SUN1: variants seen among roughly 807,000 people sequenced by gnomAD.
The protein encoded by SUN1 is Sad1 and UNC84 domain containing 1, also known as SUN domain-containing protein 1.
A neutral mutation model predicts 103.2 loss-of-function variants in SUN1; 61 were observed. That is an observed-to-expected ratio of 0.59 (90% CI 0.48 to 0.73). The LOEUF (loss-of-function observed/expected upper bound fraction) is 0.73. Among genes scored for constraint, SUN1 ranks in the 30% least tolerant of loss-of-function variants. SUN1 has a pLI of 0.00. For missense variants in SUN1, 1,052 were observed against 1,034.6 expected, an observed-to-expected ratio of 1.02 and a Z score of -0.23; for synonymous variants, 490 against 425.7, an observed-to-expected ratio of 1.15 and a Z score of -1.86.
At chr7:869,052 C>T in intron 16 of SUN1, 2 of 387,728 alleles carry the variant, frequency 5.2e-6, no homozygotes, top group South Asian at 2.3e-5. Flanking sequence ...GGGCATCTTG[C>T]CACGACCAAG....
intron 1 of SUN1, among the ~76,000 whole-genome samples, chr7:824,188 C>T (rs1406085436): frequency 6.6e-6 from 1 of 152,212 alleles, no homozygotes; most frequent in Admixed American, 6.5e-5. Context: ...CAGAAGAAGA[C>T]AGATCTCCGC....
In SUN1 at chr7:856,173, C is replaced by G. The variant is rs879220479; in HGVS notation, c.1351-185C>G. ...CATGTGATTTGTGCTCCTTTCTGCG[C>G]ACACGTAATGAAGGTTACTTTGAAA... On this transcript the variant is annotated intron_variant, in intron 11 of 18. Coordinates refer to ENST00000401592, the MANE Select transcript of SUN1 (RefSeq NM_001130965.3). 3.3e-5 allele frequency among the ~76,000 whole-genome samples: 5 copies of G among 152,240 alleles called. No individual in the cohort carries two copies. In the South Asian group the frequency reaches 1.0e-3, roughly 31 times the overall value.
At chr7:859,503 G>T (rs935510395) in intron 13 of SUN1, among the ~76,000 whole-genome samples, 3 of 152,202 alleles carry the variant, frequency 2.0e-5, no homozygotes, top group Non-Finnish European at 4.4e-5. Context: ...GTGGGGAGGA[G>T]TGAGGGTAGA....
upstream of SUN1, among the ~76,000 whole-genome samples, chr7:830,291 G>T (rs1005735435): frequency 6.6e-6 from 1 of 152,208 alleles, no homozygotes; most frequent in African/African-American, 2.4e-5. Flanking sequence ...CTTGGCATGA[G>T]CCTGGGCTTC....
chr7:842,905 C>T (rs1402738441), intron 3 of SUN1: 14 of 532,438 alleles, frequency 2.6e-5, no homozygotes, highest in Non-Finnish European at 3.8e-5. Context: ...CCTTGCTGAG[C>T]GGGCTGTGAG....
upstream of SUN1, among the ~76,000 whole-genome samples, chr7:831,713 G>A (rs1319246594): frequency 6.6e-6 from 1 of 152,194 alleles, no homozygotes; most frequent in Non-Finnish European, 1.5e-5. Context: ...CTTTTGGCTT[G>A]GTTTATGGAG....
chr7:833,740 A>G (rs1800113584), intron 1 of SUN1, among the ~76,000 whole-genome samples: 1 of 152,248 alleles, frequency 6.6e-6, no homozygotes, highest in Non-Finnish European at 1.5e-5. Flanking sequence ...TTTAATTCAC[A>G]GTTCTAGGTC....
intron 1 of SUN1, among the ~76,000 whole-genome samples, chr7:838,573 G>C (rs1805852948): frequency 6.6e-6 from 1 of 152,220 alleles, no homozygotes; most frequent in Admixed American, 6.5e-5. Context: ...GGAATGTGCT[G>C]TCCTACATCT....
Position 861,286 on chromosome 7 carries a change from A to G in SUN1, c.1780-94A>G. On this transcript the variant is annotated intron_variant, in intron 14 of 18. Transcript: ENST00000401592. ...ATAGTTTCCGTTGAGAAGATGCTCT[A>G]ATGTAAGTGTCTGGTCCTCATCCAT... 7.3e-6 allele frequency: 9 copies of G among 1,227,584 alleles called. No homozygotes were observed. In the South Asian group the frequency reaches 1.1e-4, roughly 15 times the overall value. The allele number at this position is 1,227,584 out of a possible 1,614,324, so 76.0% of individuals were successfully genotyped here.
intron 1 of SUN1, among the ~76,000 whole-genome samples, chr7:818,933 A>C (rs1161570762): frequency 6.7e-6 from 1 of 150,092 alleles, no homozygotes; most frequent in Non-Finnish European, 1.5e-5. Flanking sequence ...ACAGGAACTC[A>C]GCTCACCGCG....
At chr7:816,633 TG>T in exon 1 of SUN1, 1 of 357,248 alleles carries the variant, frequency 2.8e-6, no homozygotes, top group Non-Finnish European at 5.5e-6. Context: ...TTCTCGGGCC[TG>T]GGCGGCGCAG....
At chr7:833,952 G>A (rs1800379151) in intron 1 of SUN1, among the ~76,000 whole-genome samples, 1 of 152,212 alleles carries the variant, frequency 6.6e-6, no homozygotes, top group Non-Finnish European at 1.5e-5. Flanking sequence ...CCTTGGGAGA[G>A]CAACACTTAA....
intron 5 of SUN1, chr7:848,438 A>C: frequency 7.3e-7 from 1 of 1,360,950 alleles, no homozygotes; most frequent in African/African-American, 1.5e-5. Context: ...TTTCTACGTG[A>C]ATAGGATTTT....
rs558911175 is a variant in SUN1 at position 822,989 on chromosome 7, C to T, written c.-74+6316C>T. On this transcript the variant is annotated intron_variant, in intron 1 of 17. Transcript: ENST00000389574. The stretch of plus-strand genomic sequence containing the variant: ...ACACACACGGCCCTGTGGCCACCCG[C>T]GAATTCCCGCACGCACGTGGCCCTG... Among the ~76,000 whole-genome samples, 114 of 151,980 alleles carry T rather than the reference C, an allele frequency of 7.5e-4. 1 individual carries two copies. The highest frequency in any genetic ancestry group is 6.3e-4 in the Non-Finnish European group (43 of 67,962).
upstream of SUN1, chr7:816,443 C>T (rs1239477077): frequency 1.7e-5 from 3 of 180,742 alleles, no homozygotes; most frequent in African/African-American, 7.5e-5. Context: ...CCCCCTCCCT[C>T]CCTCTCCCCC....
Position 858,365 on chromosome 7 carries a change from G to A in SUN1, c.1524+408G>A, listed in dbSNP as rs147066705. Among the ~76,000 whole-genome samples, 5 of 147,466 alleles carry A rather than the reference G, an allele frequency of 3.4e-5. No individual in the cohort carries two copies. The East Asian group carries it at 1.0e-3, about 30-fold the overall frequency. ...CCACCCACCATGCCTGGCCTAAGTT[G>A]TTTAATTTCAACTCCCTTTAAAAAC... On this transcript the variant is annotated intron_variant, in intron 13 of 18. Transcript: ENST00000401592.
At chr7:833,061 C>T (rs1365189542) in intron 1 of SUN1, 1 of 158,128 alleles carries the variant, frequency 6.3e-6, no homozygotes, top group Non-Finnish European at 1.4e-5. Flanking sequence ...TATTCATATT[C>T]CGATCCACTG....
At position 846,104 on chromosome 7, in the gene SUN1, T is replaced by TTTTG. The variant is rs559257848; in HGVS notation, c.658+2600_658+2603dup. Among the ~76,000 whole-genome samples the TTTTG allele has an allele frequency of 3.9e-5, 6 of 152,078 alleles. No individual in the cohort carries two copies. The East Asian group carries it at 7.8e-4, about 20-fold the overall frequency. ...TATTCTTTTTGATGCCTGTACAGTT[T>TTTTG]TTTGTTTGTTTGTTTGTTTTTTGAG... On this transcript the variant is annotated intron_variant, in intron 5 of 18. Coordinates refer to ENST00000401592, the MANE Select transcript of SUN1 (RefSeq NM_001130965.3).
At chr7:843,027 C>A in intron 3 of SUN1, 179 bp from the exon 4 acceptor site, 1 of 843,536 alleles carries the variant, frequency 1.2e-6, no homozygotes, top group Non-Finnish European at 1.9e-6. Context: ...CTTTCACCTT[C>A]AGTCAGAAGA....
Sources: allele counts gnomAD v4.1 joint callset (sites outside exome capture counted in the v4.1 genomes callset), GRCh38; gene constraint gnomAD v4.1.1; transcripts MANE v1.5; gene names NCBI Gene and HGNC (gene_info 2026-07-23, HGNC 2026-07-21).